The following ACACA variants were observed in gnomAD, a reference collection of about 807,000 sequenced individuals.
The protein encoded by ACACA is acetyl-CoA carboxylase alpha, also known as acetyl-CoA carboxylase 1.
A neutral mutation model predicts 296.1 loss-of-function variants in ACACA; 103 were observed. The ratio of observed to expected loss-of-function variants is 0.35; its 90% confidence interval spans 0.30 to 0.41. The LOEUF is 0.41. ACACA is among the 10% of genes least tolerant of loss of function. The pLI, the probability that ACACA is intolerant of heterozygous loss-of-function variation, is 1.00. For synonymous variants in ACACA, 953 were observed against 1,038.6 expected, an observed-to-expected ratio of 0.92 and a Z score of 1.58; for missense variants, 1,554 against 2,989.7, an observed-to-expected ratio of 0.52 and a Z score of 11.20.
At chr17:37,087,967 T>TATTA (rs1297372495) in intron 55 of ACACA, among the ~76,000 whole-genome samples, 1 of 152,150 alleles carries the variant, frequency 6.6e-6, no homozygotes, top group Non-Finnish European at 1.5e-5. Context: ...GCAGACTACT[T>TATTA]ATTAGGTGCA....
intron 3 of ACACA, among the ~76,000 whole-genome samples, chr17:37,318,516 C>T (rs1375110844): frequency 2.6e-5 from 4 of 152,218 alleles, no homozygotes; most frequent in East Asian, 3.8e-4. Flanking sequence ...GCTGGGATTA[C>T]AGGCGTGAGC....
intron 41 of ACACA, among the ~76,000 whole-genome samples, chr17:37,171,555 C>T (rs2076884371): frequency 6.6e-6 from 1 of 152,150 alleles, no homozygotes; most frequent in Admixed American, 6.5e-5. Flanking sequence ...TATTTTTCAG[C>T]ATGGCTTTTC....
chr17:37,237,524 C>A (rs78846266), intron 24 of ACACA, among the ~76,000 whole-genome samples: 4 of 152,220 alleles, frequency 2.6e-5, no homozygotes, highest in Admixed American at 2.0e-4. Flanking sequence ...TAAATTTTTG[C>A]CACTCTCATT....
At chr17:37,379,001 G>A in intron 1 of ACACA, 1 of 1,088,670 alleles carries the variant, frequency 9.2e-7, no homozygotes, top group Non-Finnish European at 1.3e-6. Flanking sequence ...GATCGAGGGA[G>A]TTTGAGGCTG....
chr17:37,171,114 T>C (rs2076867000), intron 41 of ACACA, among the ~76,000 whole-genome samples: 1 of 152,220 alleles, frequency 6.6e-6, no homozygotes, highest in Admixed American at 6.5e-5. Context: ...ATGTTGAAGC[T>C]GTATTCGTTA....
rs1598349075 is a variant in ACACA at position 37,263,470 on chromosome 17, T to C, written c.1329+215A>G. 3.3e-5 allele frequency among the ~76,000 whole-genome samples: 5 copies of C among 152,326 alleles called. No individual in the cohort carries two copies. The East Asian group carries it at 9.6e-4, about 29-fold the overall frequency. On this transcript the variant is annotated intron_variant, in intron 11 of 55. Transcript: ENST00000616317. ...CCTGAAATGGTACGCTGATTTTTTT[T>C]AGAAAGCGTTAACTACTTTTAGAAG... is the stretch of plus-strand genomic sequence containing the variant.
chr17:37,139,758 T>C (rs2075486565), intron 45 of ACACA, among the ~76,000 whole-genome samples: 1 of 152,252 alleles, frequency 6.6e-6, no homozygotes, highest in Non-Finnish European at 1.5e-5. Flanking sequence ...TTTAACTGTT[T>C]CTCTTGTTTC....
At chr17:37,198,972 G>A (rs1032884120) in intron 35 of ACACA, among the ~76,000 whole-genome samples, 1 of 152,192 alleles carries the variant, frequency 6.6e-6, no homozygotes, top group Non-Finnish European at 1.5e-5. Flanking sequence ...GGGCACAGTG[G>A]CTCATGCCTG....
At chr17:37,222,627 T>C (rs2079351798) in intron 28 of ACACA, among the ~76,000 whole-genome samples, 1 of 152,164 alleles carries the variant, frequency 6.6e-6, no homozygotes, top group Non-Finnish European at 1.5e-5. Flanking sequence ...TCTCATTAAA[T>C]GACATAAAAA....
chr17:37,279,889 AT>A (rs1209637132), intron 5 of ACACA, among the ~76,000 whole-genome samples: 1 of 152,084 alleles, frequency 6.6e-6, no homozygotes, highest in Admixed American at 6.6e-5. Flanking sequence ...TATGTTTAAT[AT>A]TTTTTATGGA....
Position 37,242,023 on chromosome 17 carries a change from T to C in ACACA, c.2962A>G (p.Thr988Ala), listed in dbSNP as rs1195019768. 2 of 1,613,842 alleles carry C rather than the reference T, an allele frequency of 1.2e-6. No individual in the cohort carries two copies. The highest frequency in any genetic ancestry group is 1.7e-6 in the Non-Finnish European group (2 of 1,179,986). ...IANILDSHAA[T>A]LNRKSEREVF... Reference sequence around the variant, plus strand: ...TCCCGTTCAGATTTCCGGTTCAATGTAGCTGCATGGCTATCTAGGATGTTT... The same window carrying C: ...TCCCGTTCAGATTTCCGGTTCAATGCAGCTGCATGGCTATCTAGGATGTTT... Residue 988 changes from threonine (T) to alanine (A), a missense_variant, in exon 23 of 56, where the codon ACA becomes GCA. Thr to Ala is a moderately conservative substitution (Grantham distance 58). Transcript: ENST00000616317.
intron 3 of ACACA, among the ~76,000 whole-genome samples, chr17:37,323,140 G>A (rs1260507998): frequency 1.3e-5 from 2 of 152,268 alleles, no homozygotes; most frequent in Non-Finnish European, 1.5e-5. Flanking sequence ...AGATGGTGCC[G>A]TGGGGCTGGA....
intron 1 of ACACA, among the ~76,000 whole-genome samples, chr17:37,342,436 A>AAAAAAATATAT (rs1555652530): frequency 5.2e-5 from 3 of 58,204 alleles, no homozygotes; most frequent in Non-Finnish European, 8.7e-5. Context: ...AAAAAAAAAA[A>AAAAAAATATAT]ATATATATAT....
At chr17:37,104,302 TAA>T (rs958538028) in intron 52 of ACACA, among the ~76,000 whole-genome samples, 1 of 152,180 alleles carries the variant, frequency 6.6e-6, no homozygotes, top group African/African-American at 2.4e-5. Context: ...TTAAAAAATT[TAA>T]AGAGTTAAAC....
At chr17:37,276,670 G>C (rs1340816817) in intron 7 of ACACA, among the ~76,000 whole-genome samples, 3 of 152,184 alleles carry the variant, frequency 2.0e-5, no homozygotes, top group Non-Finnish European at 4.4e-5. Flanking sequence ...AGGGCACACT[G>C]CCAAGGCATC....
intron 45 of ACACA, chr17:37,143,725 T>C: frequency 1.1e-6 from 1 of 907,622 alleles, no homozygotes; most frequent in South Asian, 1.3e-5. Flanking sequence ...CCTCATCCTC[T>C]TCATCTTCCT....
chr17:37,200,403 G>A lies in ACACA; in HGVS notation c.4113+24C>T, dbSNP rs1030098935. ...TAGCAGCAGCATAAGAAATATTAAA[G>A]AGGTACAATTCACATGTCAGTACCT... On this transcript the variant is annotated intron_variant, in intron 34 of 55. Coordinates refer to ENST00000616317, the MANE Select transcript of ACACA (RefSeq NM_198834.3). The A allele has an allele frequency of 1.9e-6, 3 of 1,579,466 alleles. No individual in the cohort carries two copies. The Admixed American group carries it at 5.0e-5, about 26-fold the overall frequency.
At chr17:37,334,638 G>A (rs1178087120) in intron 2 of ACACA, among the ~76,000 whole-genome samples, 1 of 152,012 alleles carries the variant, frequency 6.6e-6, no homozygotes, top group Non-Finnish European at 1.5e-5. Flanking sequence ...TGACAACCAG[G>A]GGGAAAGTAA....
chr17:37,154,263 C>T (rs899133199), intron 43 of ACACA, among the ~76,000 whole-genome samples: 2 of 152,068 alleles, frequency 1.3e-5, no homozygotes, highest in Admixed American at 6.5e-5. Flanking sequence ...CCTATGATCA[C>T]ACCACTGCAT....
Sources: allele counts gnomAD v4.1 joint callset (sites outside exome capture counted in the v4.1 genomes callset), GRCh38; gene constraint gnomAD v4.1.1; transcripts MANE v1.5; gene names NCBI Gene and HGNC (gene_info 2026-07-23, HGNC 2026-07-21).